Variants in MAST4 observed in about 807,000 individuals in gnomAD.
MAST4 encodes microtubule associated serine/threonine kinase family member 4.
MAST4 carries 89 observed loss-of-function variants against 162.7 expected under a neutral mutation model. The ratio of observed to expected loss-of-function variants is 0.55; its 90% CI spans 0.46 to 0.65. MAST4 has a LOEUF of 0.65. MAST4 is among the 30% of genes least tolerant of loss of function. MAST4 has a pLI of 0.00. For missense variants in MAST4, 3,153 were observed against 3,374.0 expected (o/e 0.93, Z 1.62); for synonymous variants, 1,479 against 1,361.1 (o/e 1.09, Z -1.91).
At chr5:66,943,147 C>T (rs913503657) in intron 4 of MAST4, among the ~76,000 whole-genome samples, 2 of 152,082 alleles carry the variant, frequency 1.3e-5, no homozygotes, top group East Asian at 3.9e-4. Flanking sequence ...AACCATAGCA[C>T]TGGCCATCTC....
chr5:67,006,297 G>C (rs1467593055), intron 4 of MAST4, among the ~76,000 whole-genome samples: 1 of 152,184 alleles, frequency 6.6e-6, no homozygotes, highest in East Asian at 1.9e-4. Context: ...TTCTGAAGTT[G>C]TACCTTTTAA....
At chr5:67,160,348 T>C in intron 26 of MAST4, 108 bp from the exon 27 acceptor site, 1 of 1,171,466 alleles carries the variant, frequency 8.5e-7, no homozygotes, top group Non-Finnish European at 1.2e-6. Context: ...GAAGGCCTTT[T>C]ATATGTATGT....
chr5:66,743,042 C>A (rs933650776), intron 1 of MAST4, among the ~76,000 whole-genome samples: 4 of 152,152 alleles, frequency 2.6e-5, no homozygotes, highest in African/African-American at 9.7e-5. Context: ...GGTTTCCTGG[C>A]CTGGAAGCTT....
chr5:67,007,490 T>G (rs1247437732), intron 4 of MAST4, among the ~76,000 whole-genome samples: 1 of 152,346 alleles, frequency 6.6e-6, no homozygotes, highest in East Asian at 1.9e-4. Flanking sequence ...TGTGACAGAT[T>G]GTTCATTTTG....
intron 4 of MAST4, among the ~76,000 whole-genome samples, chr5:67,020,729 C>G (rs1201762768): frequency 6.6e-6 from 1 of 152,188 alleles, no homozygotes; most frequent in Non-Finnish European, 1.5e-5. Flanking sequence ...ACCTATGATA[C>G]TTGGTTTCCT....
At chr5:66,868,890 A>C (rs1438528889) in intron 3 of MAST4, among the ~76,000 whole-genome samples, 1 of 152,184 alleles carries the variant, frequency 6.6e-6, no homozygotes, top group African/African-American at 2.4e-5. Context: ...CCTGGGTTTA[A>C]TATCAACATC....
chr5:67,085,402 A>G (rs1483305766), intron 5 of MAST4, among the ~76,000 whole-genome samples: 2 of 152,172 alleles, frequency 1.3e-5, no homozygotes, highest in African/African-American at 4.8e-5. Flanking sequence ...GAACAGCTAG[A>G]AGGCTCTTTC....
intron 3 of MAST4, among the ~76,000 whole-genome samples, chr5:66,835,017 G>A (rs1757866031): frequency 6.6e-6 from 1 of 152,102 alleles, no homozygotes; most frequent in Non-Finnish European, 1.5e-5. Context: ...CCTACAGCAG[G>A]TGCTATCACC....
intron 10 of MAST4, among the ~76,000 whole-genome samples, chr5:67,108,816 C>T (rs945933247): frequency 2.0e-5 from 3 of 151,958 alleles, no homozygotes; most frequent in Admixed American, 6.6e-5. Flanking sequence ...TCATGGGGTA[C>T]GGGATTGTTC....
chr5:66,670,802 G>A (rs981835467), intron 1 of MAST4, among the ~76,000 whole-genome samples: 4 of 151,320 alleles, frequency 2.6e-5, no homozygotes, highest in Non-Finnish European at 4.4e-5. Context: ...AGATAAGGAC[G>A]TTACCTGAAA....
chr5:66,872,454 G>A (rs1761009547), intron 3 of MAST4, among the ~76,000 whole-genome samples: 1 of 152,180 alleles, frequency 6.6e-6, no homozygotes. Flanking sequence ...ACAGGCGGGA[G>A]CCACCACACC....
At chr5:66,716,423 C>T (rs897989842) in intron 1 of MAST4, among the ~76,000 whole-genome samples, 10 of 151,990 alleles carry the variant, frequency 6.6e-5, no homozygotes, top group Non-Finnish European at 1.3e-4. Context: ...TGCAATCACA[C>T]TTACTTTGAA....
intron 4 of MAST4, among the ~76,000 whole-genome samples, chr5:67,010,556 G>T (rs1561529459): frequency 1.3e-5 from 2 of 152,050 alleles, no homozygotes. Context: ...TAATAAACAC[G>T]GGACTTACTA....
intron 3 of MAST4, among the ~76,000 whole-genome samples, chr5:66,859,657 G>A (rs970111268): frequency 6.6e-6 from 1 of 152,210 alleles, no homozygotes; most frequent in Non-Finnish European, 1.5e-5. Flanking sequence ...AAATGTTCTG[G>A]TTTTGAGGAA....
intron 2 of MAST4, among the ~76,000 whole-genome samples, chr5:66,767,583 G>C (rs1306278316): frequency 6.6e-6 from 1 of 151,902 alleles, no homozygotes; most frequent in Non-Finnish European, 1.5e-5. Context: ...GTTTTCTAGA[G>C]GGACAGAACT....
intron 1 of MAST4, among the ~76,000 whole-genome samples, chr5:66,725,136 A>G (rs779217797): frequency 2.0e-5 from 3 of 152,014 alleles, no homozygotes; most frequent in Non-Finnish European, 4.4e-5. Flanking sequence ...TTCAATTGAT[A>G]TCTTAAGGAC....
At chr5:66,824,438 G>A (rs1326127807) in intron 3 of MAST4, among the ~76,000 whole-genome samples, 1 of 152,184 alleles carries the variant, frequency 6.6e-6, no homozygotes, top group Non-Finnish European at 1.5e-5. Context: ...AGCTCCCATC[G>A]CTTTTGGATA....
At chr5:66,934,467 G>A (rs938336855) in intron 4 of MAST4, among the ~76,000 whole-genome samples, 1 of 152,076 alleles carries the variant, frequency 6.6e-6, no homozygotes, top group African/African-American at 2.4e-5. Context: ...CTGAAATCAT[G>A]GGGCAGTCTG....
intron 18 of MAST4, among the ~76,000 whole-genome samples, chr5:67,135,454 G>C (rs1003552355): frequency 6.6e-6 from 1 of 152,194 alleles, no homozygotes; most frequent in Non-Finnish European, 1.5e-5. Context: ...ATCTTTATCA[G>C]CCACGTACGG....
Sources: allele counts gnomAD v4.1 joint callset (sites outside exome capture counted in the v4.1 genomes callset), GRCh38; gene constraint gnomAD v4.1.1; transcripts MANE v1.5; gene names NCBI Gene and HGNC (gene_info 2026-07-23, HGNC 2026-07-21).